The following ATP9B variants were observed in gnomAD, a reference collection of about 807,000 sequenced individuals.
ATP9B encodes probable phospholipid-transporting ATPase IIB.
ATP9B carries 110 observed loss-of-function variants against 146.1 expected under a neutral mutation model. The ratio of observed to expected loss-of-function variants is 0.75; its 90% CI spans 0.65 to 0.88. The LOEUF (loss-of-function observed/expected upper bound fraction) is 0.88. ATP9B is among the 40% of genes least tolerant of loss of function. The pLI is 0.00. For synonymous variants in ATP9B, 604 were observed against 569.7 expected (o/e 1.06, Z -0.86); for missense variants, 1,499 against 1,496.4 (o/e 1.00, Z -0.03).
At chr18:79,311,015 G>A (rs1019876625) in intron 15 of ATP9B, among the ~76,000 whole-genome samples, 2 of 152,104 alleles carry the variant, frequency 1.3e-5, no homozygotes, top group Admixed American at 1.3e-4. Context: ...AGCCAGGTGT[G>A]GTGGCAGGCT....
At chr18:79,188,031 G>A (rs1007746881) in intron 8 of ATP9B, among the ~76,000 whole-genome samples, 2 of 152,022 alleles carry the variant, frequency 1.3e-5, no homozygotes, top group Non-Finnish European at 2.9e-5. Flanking sequence ...ACATGAGGAC[G>A]CCCTTTAGCT....
intron 17 of ATP9B, among the ~76,000 whole-genome samples, chr18:79,334,907 C>T (rs1214976437): frequency 6.6e-6 from 1 of 152,098 alleles, no homozygotes; most frequent in Non-Finnish European, 1.5e-5. Flanking sequence ...TCTGCCCAGT[C>T]GCCCACACTG....
Position 79,329,156 on chromosome 18 carries a change from T to C in ATP9B, c.1789T>C (p.Trp597Arg). The C allele has an allele frequency of 1.2e-6, 2 of 1,600,560 alleles. No homozygotes were observed. The highest frequency in any genetic ancestry group is 1.7e-6 in the Non-Finnish European group (2 of 1,174,454). Residue 597 changes from tryptophan to arginine, a missense_variant, in exon 16 of 30, where the codon TGG (tryptophan) becomes CGG (arginine). Transcript: ENST00000426216. ...TCTCCCGTAGGTCGCTCTGGTGCAG[T>C]GGACAGAGAGTGTGGGCCTCACGCT... ...SSPDEVALVQ[W>R]TESVGLTLVS...
At chr18:79,290,621 C>T (rs1226543181) in intron 13 of ATP9B, among the ~76,000 whole-genome samples, 1 of 152,236 alleles carries the variant, frequency 6.6e-6, no homozygotes, top group East Asian at 1.9e-4. Flanking sequence ...GCTGCACCCA[C>T]TGTCCTGGGC....
chr18:79,100,600 TA>T (rs994146525), intron 2 of ATP9B, among the ~76,000 whole-genome samples: 30 of 152,234 alleles, frequency 2.0e-4, no homozygotes, highest in Non-Finnish European at 2.9e-5. Context: ...AAAAAATTTT[TA>T]AAAATTTTGA....
chr18:79,300,021 T>G (rs981043205), intron 13 of ATP9B: 1 of 152,256 alleles, frequency 6.6e-6, no homozygotes, highest in Non-Finnish European at 1.5e-5. Context: ...GGATGGTCAC[T>G]AAAAGCAACG....
chr18:79,154,983 GGTATCCAAT>G (rs752148453), intron 7 of ATP9B, among the ~76,000 whole-genome samples: 3 of 152,132 alleles, frequency 2.0e-5, no homozygotes, highest in Non-Finnish European at 4.4e-5. Context: ...TCAGGACCTA[GGTATCCAAT>G]GAGTGTTTTC....
intron 26 of ATP9B, chr18:79,361,908 C>A: frequency 1.8e-6 from 1 of 568,870 alleles, no homozygotes; most frequent in Non-Finnish European, 2.2e-6. Flanking sequence ...TAGCCCTGCT[C>A]TCAACAAGTC....
intron 4 of ATP9B, among the ~76,000 whole-genome samples, chr18:79,119,307 T>C (rs2094148641): frequency 6.6e-6 from 1 of 152,226 alleles, no homozygotes; most frequent in Non-Finnish European, 1.5e-5. Context: ...ATCTTGGCCA[T>C]ACTTGAGTGA....
intron 15 of ATP9B, among the ~76,000 whole-genome samples, chr18:79,316,689 A>G (rs145477037): frequency 2.4e-4 from 36 of 152,132 alleles, no homozygotes; most frequent in African/African-American, 8.2e-4. Context: ...TGCCATGTGC[A>G]TCAAGAGAAA....
chr18:79,323,392 G>A (rs939189048), intron 15 of ATP9B, among the ~76,000 whole-genome samples: 1 of 152,052 alleles, frequency 6.6e-6, no homozygotes, highest in Non-Finnish European at 1.5e-5. Flanking sequence ...CCTTCTATCC[G>A]ACTGTATTTT....
intron 11 of ATP9B, among the ~76,000 whole-genome samples, chr18:79,246,831 G>C (rs2095972203): frequency 6.6e-6 from 1 of 152,252 alleles, no homozygotes; most frequent in South Asian, 2.1e-4. Context: ...GTGATCGGCA[G>C]TGTAGTGACT....
At position 79,337,453 on chromosome 18, in the gene ATP9B, CT is replaced by C. The variant is rs745571846; in HGVS notation, c.2283+5del. 6.2e-7 allele frequency: 1 copy of C among 1,607,706 alleles called. No individual in the cohort carries two copies. Among genetic ancestry groups the C allele is most frequent in the South Asian group, 1.1e-5 (1 of 90,914 alleles). ...GCTGCGCAACGCCGGGATCAAGGTACTGCAGGCTCACCTCTGCTGGCGCGCG... is the reference window on the plus strand; with the variant it reads ...GCTGCGCAACGCCGGGATCAAGGTACGCAGGCTCACCTCTGCTGGCGCGCG... On this transcript the variant is annotated splice_donor_5th_base_variant and intron_variant, in intron 19 of 29. Coordinates refer to ENST00000426216, the MANE Select transcript of ATP9B (RefSeq NM_198531.5).
At chr18:79,104,662 A>G (rs2075532233) in intron 2 of ATP9B, among the ~76,000 whole-genome samples, 2 of 152,180 alleles carry the variant, frequency 1.3e-5, no homozygotes, top group Non-Finnish European at 2.9e-5. Flanking sequence ...ACTTGAAAAT[A>G]TAGATGGTAG....
At chr18:79,088,419 A>G (rs2146630383) in intron 1 of ATP9B, among the ~76,000 whole-genome samples, 1 of 152,372 alleles carries the variant, frequency 6.6e-6, no homozygotes, top group Non-Finnish European at 1.5e-5. Flanking sequence ...GAAGAAAAAA[A>G]TGACATTTTA....
intron 9 of ATP9B, among the ~76,000 whole-genome samples, chr18:79,202,367 C>A (rs2095496966): frequency 6.6e-6 from 1 of 152,190 alleles, no homozygotes; most frequent in Non-Finnish European, 1.5e-5. Context: ...CCTTTAACAT[C>A]ACATTCCCAG....
intron 13 of ATP9B, among the ~76,000 whole-genome samples, chr18:79,296,264 T>G (rs1312673985): frequency 6.6e-6 from 1 of 152,236 alleles, no homozygotes; most frequent in Admixed American, 6.5e-5. Flanking sequence ...CATCTTCCTA[T>G]CTTGGTCTCC....
At chr18:79,374,791 CTAGT>C (rs1383069407) in intron 28 of ATP9B, among the ~76,000 whole-genome samples, 4 of 152,218 alleles carry the variant, frequency 2.6e-5, no homozygotes, top group African/African-American at 9.7e-5. Flanking sequence ...TTATAATGTG[CTAGT>C]TATTTTTCTT....
chr18:79,294,442 GCT>G (rs2096533016), intron 13 of ATP9B, among the ~76,000 whole-genome samples: 1 of 152,226 alleles, frequency 6.6e-6, no homozygotes. Context: ...CCCAGCCGTG[GCT>G]CACAGGAAAC....
Sources: gnomAD v4.1 joint callset for allele counts (sites outside exome capture counted in the v4.1 genomes callset) on GRCh38, gnomAD v4.1.1 for gene constraint, MANE v1.5 for transcripts, NCBI Gene and HGNC (gene_info 2026-07-23, HGNC 2026-07-21) for gene names.